Variants in MYO1E observed in about 807,000 individuals in gnomAD.
MYO1E encodes unconventional myosin-Ie.
Under a neutral mutation model 151.1 loss-of-function variants are expected in MYO1E, and 68 were observed. That is an observed-to-expected ratio of 0.45 (90% confidence interval 0.37 to 0.55). The LOEUF (loss-of-function observed/expected upper bound fraction) is 0.55. Among genes scored for constraint, MYO1E ranks in the 20% least tolerant of loss-of-function variants. MYO1E has a pLI of 0.00. For missense variants in MYO1E, 1,363 were observed against 1,389.3 expected (o/e 0.98, Z 0.30); for synonymous variants, 601 against 501.7 (o/e 1.20, Z -2.64).
At chr15:59,299,217 G>C (rs1238607943) in intron 1 of MYO1E, among the ~76,000 whole-genome samples, 2 of 152,182 alleles carry the variant, frequency 1.3e-5, no homozygotes, top group African/African-American at 4.8e-5. Context: ...TTTCCATTTT[G>C]ACGGTAAAAG....
chr15:59,141,341 C>T (rs994604994), intron 26 of MYO1E, among the ~76,000 whole-genome samples: 2 of 152,178 alleles, frequency 1.3e-5, no homozygotes, highest in Non-Finnish European at 2.9e-5. Context: ...CAGACACGTC[C>T]CTCATATGAA....
rs116447296 is a variant in MYO1E, at chr15:59,221,450, A to C, written c.910+1609T>G. ...TTTAAAGGGAACACAAGAGACTGAG[A>C]ATCTTGGTTACCTCTGACGAGGGGA... On this transcript the variant is annotated intron_variant, in intron 9 of 27. Transcript: ENST00000288235. Among the ~76,000 whole-genome samples, 1,262 of 152,320 alleles carry C rather than the reference A, an allele frequency of 8.3e-3. 15 individuals carry two copies. The highest frequency in any genetic ancestry group is 0.029 in the African/African-American group (1,225 of 41,568).
chr15:59,202,323 A>G lies in MYO1E; in HGVS notation c.1698+3T>C. 6.2e-7 allele frequency: 1 copy of G among 1,612,522 alleles called. No individual in the cohort carries two copies. The highest frequency in any genetic ancestry group is 1.3e-5 in the African/African-American group (1 of 74,904). ...TCTATAAACTTCCTAAAATAGAACTAACCTTTATTTTGCTTCCGGCAGTAG... is the reference window on the plus strand; with the variant it reads ...TCTATAAACTTCCTAAAATAGAACTGACCTTTATTTTGCTTCCGGCAGTAG... On this transcript the variant is annotated splice_donor_region_variant and intron_variant, in intron 16 of 27. Coordinates refer to ENST00000288235, the MANE Select transcript of MYO1E (RefSeq NM_004998.4).
intron 21 of MYO1E, among the ~76,000 whole-genome samples, chr15:59,172,872 C>A (rs542437387): frequency 6.6e-6 from 1 of 152,370 alleles, no homozygotes; most frequent in African/African-American, 2.4e-5. Context: ...CTGTGTGCAT[C>A]CAGGGCTGCC....
At chr15:59,346,275 G>C (rs1390356909) in intron 1 of MYO1E, among the ~76,000 whole-genome samples, 1 of 152,152 alleles carries the variant, frequency 6.6e-6, no homozygotes, top group Non-Finnish European at 1.5e-5. Context: ...GTCCCACCAT[G>C]GATCACATTC....
intron 1 of MYO1E, among the ~76,000 whole-genome samples, chr15:59,331,597 A>G (rs1342292665): frequency 6.6e-6 from 1 of 152,218 alleles, no homozygotes; most frequent in Non-Finnish European, 1.5e-5. Context: ...TTTATTACAA[A>G]GGTATGTAGA....
chr15:59,175,809 A>G (rs1387887698), intron 19 of MYO1E, among the ~76,000 whole-genome samples: 5 of 152,102 alleles, frequency 3.3e-5, no homozygotes, highest in Non-Finnish European at 7.3e-5. Flanking sequence ...ACGATTCCCA[A>G]CTTCCTAGAG....
Position 59,173,782 on chromosome 15 carries a change from G to A in MYO1E, c.2298C>T (p.Phe766=), listed in dbSNP as rs370612369. ...QFVGKREKID[F]ADTVTKYDRR... ...TGTCATACTTGGTGACTGTGTCTGC[G>A]AAATCAATCTTCTCCCTCTTGCCCA... The change falls in exon 21 of 28, where the codon TTC becomes TTT. Residue 766 remains phenylalanine (F), a synonymous_variant. Transcript: ENST00000288235. 1.1e-4 allele frequency: 171 copies of A among 1,614,008 alleles called. No homozygotes were observed. Among genetic ancestry groups the A allele is most frequent in the Non-Finnish European group, 1.4e-4 (166 of 1,180,038 alleles).
chr15:59,184,696 G>A (rs182636860), intron 18 of MYO1E, among the ~76,000 whole-genome samples: 1 of 152,290 alleles, frequency 6.6e-6, no homozygotes, highest in Non-Finnish European at 1.5e-5. Flanking sequence ...GTCTGTTGAT[G>A]GATGCAGCTT....
At chr15:59,193,027 T>A (rs1341882786) in intron 17 of MYO1E, among the ~76,000 whole-genome samples, 1 of 119,888 alleles carries the variant, frequency 8.3e-6, no homozygotes, top group Non-Finnish European at 1.7e-5. Context: ...ATGAAGAGTC[T>A]CGCTCTAACA....
intron 19 of MYO1E, among the ~76,000 whole-genome samples, chr15:59,176,446 T>C (rs573415306): frequency 1.3e-5 from 1 of 74,540 alleles, no homozygotes; most frequent in African/African-American, 5.2e-5. Context: ...GGTTTTCTTT[T>C]TCCTTTTTTT....
chr15:59,297,159 T>G (rs2080455278), intron 1 of MYO1E, among the ~76,000 whole-genome samples: 1 of 151,756 alleles, frequency 6.6e-6, no homozygotes, highest in Admixed American at 6.6e-5. Flanking sequence ...GCCAGGAAAT[T>G]TAACATCGAT....
intron 17 of MYO1E, among the ~76,000 whole-genome samples, chr15:59,193,214 T>A (rs997491069): frequency 2.0e-5 from 3 of 152,154 alleles, no homozygotes; most frequent in Non-Finnish European, 4.4e-5. Context: ...AGCCCAGCAA[T>A]CTCAGCTTTA....
chr15:59,242,253 A>G (rs1308659600), intron 4 of MYO1E, among the ~76,000 whole-genome samples: 1 of 152,254 alleles, frequency 6.6e-6, no homozygotes, highest in Non-Finnish European at 1.5e-5. Flanking sequence ...CAATAAAAAG[A>G]ACAAGGGCTG....
intron 4 of MYO1E, among the ~76,000 whole-genome samples, chr15:59,254,269 T>C (rs2080181744): frequency 6.6e-6 from 1 of 152,028 alleles, no homozygotes; most frequent in African/African-American, 2.4e-5. Context: ...CTCACTGTAA[T>C]CTCAAACTCC....
intron 22 of MYO1E, among the ~76,000 whole-genome samples, chr15:59,164,737 T>C (rs1292881709): frequency 6.6e-6 from 1 of 152,206 alleles, no homozygotes; most frequent in Non-Finnish European, 1.5e-5. Flanking sequence ...GCAGAGAATC[T>C]TGGGGGACTA....
At chr15:59,339,145 G>A (rs2140427837) in intron 1 of MYO1E, among the ~76,000 whole-genome samples, 1 of 152,232 alleles carries the variant, frequency 6.6e-6, no homozygotes, top group African/African-American at 2.4e-5. Flanking sequence ...AAAAGAAAAT[G>A]TCAATGACAC....
intron 1 of MYO1E, among the ~76,000 whole-genome samples, chr15:59,335,640 G>C (rs2080723627): frequency 6.6e-6 from 1 of 152,156 alleles, no homozygotes; most frequent in African/African-American, 2.4e-5. Context: ...TGTTTTCCTA[G>C]CTACTTGGAG....
At chr15:59,253,772 T>A (rs115746020) in intron 4 of MYO1E, among the ~76,000 whole-genome samples, 1,543 of 152,122 alleles carry the variant, frequency 0.01, 28 homozygotes, top group African/African-American at 0.035. Context: ...ACTCCCGGCG[T>A]CTAATGAAGT....
Sources: allele counts gnomAD v4.1 joint callset (sites outside exome capture counted in the v4.1 genomes callset), GRCh38; gene constraint gnomAD v4.1.1; transcripts MANE v1.5; gene names NCBI Gene and HGNC (gene_info 2026-07-23, HGNC 2026-07-21).